Variants in NRXN3 observed in about 807,000 individuals in gnomAD.
The protein encoded by NRXN3 is neurexin III.
In NRXN3, 32 loss-of-function variants were observed where a neutral mutation model predicts 137.6. The observed-to-expected ratio is 0.23, with a 90% CI of 0.18 to 0.31. The LOEUF is 0.31. NRXN3 is among the 10% of genes least tolerant of loss of function. NRXN3 has a pLI of 1.00. For missense variants in NRXN3, 1,574 were observed against 2,062.5 expected (o/e 0.76, Z 4.59); for synonymous variants, 798 against 784.5 (o/e 1.02, Z -0.29).
At chr14:79,408,773 T>C (rs973238082) in intron 15 of NRXN3, among the ~76,000 whole-genome samples, 17 of 152,190 alleles carry the variant, frequency 1.1e-4, no homozygotes, top group African/African-American at 3.9e-4. Context: ...ATCCCTAAAC[T>C]CTGTCCCTCT....
At chr14:79,297,715 A>C (rs980821589) in intron 15 of NRXN3, among the ~76,000 whole-genome samples, 5 of 152,130 alleles carry the variant, frequency 3.3e-5, no homozygotes, top group African/African-American at 1.2e-4. Flanking sequence ...AGATAGATGG[A>C]GATGTATAGA....
At chr14:79,482,753 C>T (rs2096621093) in intron 16 of NRXN3, among the ~76,000 whole-genome samples, 1 of 152,040 alleles carries the variant, frequency 6.6e-6, no homozygotes, top group Admixed American at 6.6e-5. Flanking sequence ...GAAAACCCAC[C>T]CTCTCTGGTG....
chr14:79,662,911 T>C (rs1166322284), intron 16 of NRXN3, among the ~76,000 whole-genome samples: 1 of 152,100 alleles, frequency 6.6e-6, no homozygotes, highest in Non-Finnish European at 1.5e-5. Flanking sequence ...TCTCCAACAC[T>C]GGAGATTACA....
At chr14:79,108,843 A>T (rs1362966781) in intron 15 of NRXN3, among the ~76,000 whole-genome samples, 1 of 152,174 alleles carries the variant, frequency 6.6e-6, no homozygotes, top group Non-Finnish European at 1.5e-5. Flanking sequence ...AGAGAATTAA[A>T]TTTTTTACGC....
chr14:79,619,320 G>T (rs2098196059), intron 16 of NRXN3, among the ~76,000 whole-genome samples: 1 of 151,990 alleles, frequency 6.6e-6, no homozygotes, highest in Admixed American at 6.6e-5. Context: ...TTCCTTCTAG[G>T]ATTTTTATGA....
At chr14:78,341,064 A>G (rs1175679365) in intron 4 of NRXN3, among the ~76,000 whole-genome samples, 1 of 152,188 alleles carries the variant, frequency 6.6e-6, no homozygotes, top group African/African-American at 2.4e-5. Flanking sequence ...GCTTGTAGTA[A>G]AAAAGTATTT....
chr14:78,934,161 CA>C (rs556509445), intron 10 of NRXN3, among the ~76,000 whole-genome samples: 1,184 of 85,672 alleles, frequency 0.014, 4 homozygotes, highest in East Asian at 0.039. Flanking sequence ...AAACGACAAC[CA>C]AAAAAAAAAA....
intron 15 of NRXN3, among the ~76,000 whole-genome samples, chr14:79,425,121 T>C (rs1239088054): frequency 6.6e-6 from 1 of 152,214 alleles, no homozygotes. Flanking sequence ...AAGTCCAAGT[T>C]GCTGGCCCTT....
Position 79,099,041 on chromosome 14 carries a change from C to G in NRXN3, c.3262+110900C>G, listed in dbSNP as rs975560198. Among the ~76,000 whole-genome samples the G allele has an allele frequency of 3.9e-5, 6 of 152,140 alleles. No individual in the cohort carries two copies. In the South Asian group the frequency reaches 1.2e-3, roughly 31 times the overall value. On this transcript the variant is annotated intron_variant, in intron 15 of 20. Transcript: ENST00000335750. ...CCTAATCATGATGCATGTCCTGGGG[C>G]TGACCCATTTTCCTGAGCACAGAAT... is the stretch of plus-strand genomic sequence containing the variant.
intron 16 of NRXN3, among the ~76,000 whole-genome samples, chr14:79,506,265 A>G (rs1416022496): frequency 2.0e-5 from 3 of 152,204 alleles, no homozygotes; most frequent in Non-Finnish European, 2.9e-5. Flanking sequence ...TGTCCACCAC[A>G]GTAAATGACT....
chr14:78,976,939 G>A (rs904077698), intron 14 of NRXN3, among the ~76,000 whole-genome samples: 1 of 152,206 alleles, frequency 6.6e-6, no homozygotes, highest in Non-Finnish European at 1.5e-5. Flanking sequence ...TTGGCAGGTT[G>A]TATCTCCATT....
intron 9 of NRXN3, among the ~76,000 whole-genome samples, chr14:78,809,808 A>G (rs547993309): frequency 6.6e-6 from 1 of 152,210 alleles, no homozygotes; most frequent in African/African-American, 2.4e-5. Context: ...TAAATGATAC[A>G]ATCAGTCAGA....
At chr14:78,711,257 C>G (rs781228827) in intron 7 of NRXN3, among the ~76,000 whole-genome samples, 8 of 151,548 alleles carry the variant, frequency 5.3e-5, no homozygotes, top group Non-Finnish European at 1.0e-4. Context: ...CACAAAATTG[C>G]CATTTGTTCA....
rs185765523 is a variant in NRXN3 at position 78,505,394 on chromosome 14, T to C, written c.758-139726T>C. Among the ~76,000 whole-genome samples the C allele has an allele frequency of 2.6e-5, 4 of 152,272 alleles. No homozygotes were observed. The East Asian group carries it at 5.8e-4, about 22-fold the overall frequency. ...TTCCATCAAGGATTTCAAACTCAAATGCTTACAGGGGCTTGGAGCATGAGG... is the reference window on the plus strand; with the variant it reads ...TTCCATCAAGGATTTCAAACTCAAACGCTTACAGGGGCTTGGAGCATGAGG... On this transcript the variant is annotated intron_variant, in intron 4 of 20. Coordinates refer to ENST00000335750, the MANE Select transcript of NRXN3 (RefSeq NM_001330195.2).
At chr14:78,514,519 A>G (rs2096170937) in intron 4 of NRXN3, among the ~76,000 whole-genome samples, 1 of 152,156 alleles carries the variant, frequency 6.6e-6, no homozygotes, top group Admixed American at 6.5e-5. Flanking sequence ...TTTGCCTGTA[A>G]TGGTTTCTGA....
intron 15 of NRXN3, among the ~76,000 whole-genome samples, chr14:79,189,694 T>C (rs945012472): frequency 2.4e-4 from 36 of 152,164 alleles, no homozygotes; most frequent in Admixed American, 1.1e-3. Flanking sequence ...ACATGCAATA[T>C]AGGCCTGTGA....
In NRXN3 at chr14:79,463,489, T is replaced by C. The variant is rs17109238; in HGVS notation, c.3263-3732T>C. 2.4e-3 allele frequency among the ~76,000 whole-genome samples: 360 copies of C among 150,626 alleles called. 11 individuals are homozygous for C. In the East Asian group the frequency reaches 0.051, roughly 21 times the overall value. ...AGGTTGTGAGTTAAAAAAAAAAGAG[T>C]CATCCTTGTTGACTATTTGAAGATG... On this transcript the variant is annotated intron_variant, in intron 15 of 20. Coordinates refer to ENST00000335750, the MANE Select transcript of NRXN3 (RefSeq NM_001330195.2).
At chr14:79,512,849 C>T (rs555641708) in intron 16 of NRXN3, among the ~76,000 whole-genome samples, 21 of 152,280 alleles carry the variant, frequency 1.4e-4, no homozygotes, top group African/African-American at 4.6e-4. Flanking sequence ...TCTGTATAAC[C>T]TATTCTGTAT....
At chr14:78,492,260 A>G (rs1321086874) in intron 4 of NRXN3, among the ~76,000 whole-genome samples, 2 of 152,146 alleles carry the variant, frequency 1.3e-5, no homozygotes, top group African/African-American at 2.4e-5. Flanking sequence ...TTAGTGCATA[A>G]TCTCTAGATT....
Sources: gnomAD v4.1 joint callset for allele counts (sites outside exome capture counted in the v4.1 genomes callset) on GRCh38, gnomAD v4.1.1 for gene constraint, MANE v1.5 for transcripts, NCBI Gene and HGNC (gene_info 2026-07-23, HGNC 2026-07-21) for gene names.